The following CNTN1 variants were observed in gnomAD, a reference collection of about 807,000 sequenced individuals.
CNTN1 encodes contactin 1, also known as contactin-1.
A neutral mutation model predicts 126.4 loss-of-function variants in CNTN1; 38 were observed. The observed-to-expected ratio is 0.30, with a 90% CI of 0.23 to 0.39. The LOEUF is 0.39. CNTN1 is among the 10% of genes least tolerant of loss of function. The pLI, the probability that CNTN1 is intolerant of heterozygous loss-of-function variation, is 1.00. For missense variants in CNTN1, 1,009 were observed against 1,248.4 expected, an observed-to-expected ratio of 0.81 and a Z score of 2.89; for synonymous variants, 413 against 422.6, an observed-to-expected ratio of 0.98 and a Z score of 0.28.
Position 40,978,476 on chromosome 12 carries a change from C to T in CNTN1, c.1805-2433C>T, listed in dbSNP as rs192729984. On this transcript the variant is annotated intron_variant, in intron 15 of 23. Transcript: ENST00000551295. ...TTCAAGACAATTGGAAAAATGAAGA[C>T]TGTATTGTGGATGACAATTATGTTT... 2.0e-5 allele frequency among the ~76,000 whole-genome samples: 3 copies of T among 152,128 alleles called. No homozygotes were observed. In the East Asian group the frequency reaches 5.8e-4, roughly 29 times the overall value.
chr12:40,992,605 TTTA>T (rs1165805747), intron 16 of CNTN1, among the ~76,000 whole-genome samples: 1 of 152,120 alleles, frequency 6.6e-6, no homozygotes, highest in Non-Finnish European at 1.5e-5. Context: ...TATTATGACA[TTTA>T]TTATCACTTG....
At chr12:40,996,597 A>G (rs1206954672) in intron 17 of CNTN1, among the ~76,000 whole-genome samples, 2 of 152,230 alleles carry the variant, frequency 1.3e-5, no homozygotes, top group African/African-American at 2.4e-5. Context: ...TAATATGCTT[A>G]CAAGAAAATA....
chr12:41,027,670 C>T (rs533216911), intron 21 of CNTN1, among the ~76,000 whole-genome samples, 187 bp from the exon 22 acceptor site: 1 of 152,212 alleles, frequency 6.6e-6, no homozygotes, highest in Non-Finnish European at 1.5e-5. Flanking sequence ...CTCACAGGGC[C>T]ATGGGGTACA....
intron 1 of CNTN1, among the ~76,000 whole-genome samples, chr12:40,873,644 C>T (rs1943577955): frequency 6.6e-6 from 1 of 152,082 alleles, no homozygotes; most frequent in Admixed American, 6.6e-5. Flanking sequence ...TTTTTGCAGT[C>T]CATGATATTT....
At chr12:41,045,518 C>G (rs1052298306) in intron 23 of CNTN1, among the ~76,000 whole-genome samples, 1 of 152,086 alleles carries the variant, frequency 6.6e-6, no homozygotes. Flanking sequence ...ATAAATATTA[C>G]TGGAAGCCTT....
intron 14 of CNTN1, among the ~76,000 whole-genome samples, chr12:40,955,074 T>C (rs1391879966): frequency 6.6e-6 from 1 of 152,064 alleles, no homozygotes; most frequent in African/African-American, 2.4e-5. Context: ...TCTAAGACTC[T>C]ACAGGTGTAG....
chr12:40,724,911 G>T (rs1283607135), intron 1 of CNTN1, among the ~76,000 whole-genome samples: 1 of 152,174 alleles, frequency 6.6e-6, no homozygotes, highest in Non-Finnish European at 1.5e-5. Flanking sequence ...ATCATTGATG[G>T]AATTTTACCA....
At chr12:40,803,158 T>C (rs1940718161) in intron 1 of CNTN1, among the ~76,000 whole-genome samples, 1 of 151,990 alleles carries the variant, frequency 6.6e-6, no homozygotes, top group African/African-American at 2.4e-5. Context: ...AACCAATTGA[T>C]GTATCTATCA....
At chr12:40,799,783 G>A (rs1236024761) in intron 1 of CNTN1, among the ~76,000 whole-genome samples, 4 of 151,828 alleles carry the variant, frequency 2.6e-5, no homozygotes, top group Non-Finnish European at 2.9e-5. Context: ...CACTATGCTT[G>A]GTACGTTTTT....
At chr12:40,843,242 G>A (rs1168912822) in intron 1 of CNTN1, among the ~76,000 whole-genome samples, 4 of 151,996 alleles carry the variant, frequency 2.6e-5, no homozygotes, top group Admixed American at 1.3e-4. Flanking sequence ...GTTGTAAATG[G>A]CCAGTTCAGG....
intron 1 of CNTN1, among the ~76,000 whole-genome samples, chr12:40,865,916 G>C (rs367865169): frequency 6.6e-6 from 1 of 151,980 alleles, no homozygotes; most frequent in African/African-American, 2.4e-5. Context: ...TGGGAATATT[G>C]ACATGTAAAA....
chr12:40,830,962 T>C (rs12310400), intron 1 of CNTN1, among the ~76,000 whole-genome samples: 104,279 of 128,772 alleles, frequency 0.81, 42,196 homozygotes, highest in East Asian at 0.94. Context: ...TATATATATA[T>C]ACACACACAC....
chr12:40,718,746 T>C (rs1407674251), intron 1 of CNTN1, among the ~76,000 whole-genome samples: 1 of 152,136 alleles, frequency 6.6e-6, no homozygotes, highest in Admixed American at 6.5e-5. Context: ...GGTTACAAGT[T>C]TAGAGTCAAT....
intron 16 of CNTN1, among the ~76,000 whole-genome samples, chr12:40,983,914 T>TATAGCATATTTTATTATATGCTATG (rs1947885582): frequency 3.4e-5 from 2 of 59,414 alleles, no homozygotes; most frequent in African/African-American, 7.8e-5. Context: ...TATATGCTAT[T>TATAGCATATTTTATTATATGCTATG]ATAGCATATT....
chr12:40,927,304 C>A (rs1194659630), intron 6 of CNTN1, among the ~76,000 whole-genome samples: 1 of 152,042 alleles, frequency 6.6e-6, no homozygotes, highest in Non-Finnish European at 1.5e-5. Flanking sequence ...AGGAAAGACA[C>A]AAAGAAGATG....
chr12:40,891,965 A>G (rs1944254015), intron 1 of CNTN1, among the ~76,000 whole-genome samples: 1 of 152,144 alleles, frequency 6.6e-6, no homozygotes. Flanking sequence ...GAATCTGTAG[A>G]TCAAGCTGGG....
intron 23 of CNTN1, among the ~76,000 whole-genome samples, chr12:41,044,519 T>G (rs997127361): frequency 6.6e-6 from 1 of 152,112 alleles, no homozygotes; most frequent in African/African-American, 2.4e-5. Flanking sequence ...TTTTGTTTTG[T>G]TTTATATTTT....
intron 1 of CNTN1, among the ~76,000 whole-genome samples, chr12:40,702,757 A>G (rs1941635687): frequency 6.6e-6 from 1 of 152,200 alleles, no homozygotes; most frequent in African/African-American, 2.4e-5. Context: ...TATGCTATAT[A>G]CGGTGTTCTG....
At chr12:40,795,272 TATACACACACAC>T (rs1565746231) in intron 1 of CNTN1, among the ~76,000 whole-genome samples, 2 of 120,348 alleles carry the variant, frequency 1.7e-5, no homozygotes, top group South Asian at 6.4e-4. Flanking sequence ...TGTCTACATG[TATACACACACAC>T]ACACACACAC....
Sources: gnomAD v4.1 joint callset for allele counts (sites outside exome capture counted in the v4.1 genomes callset) on GRCh38, gnomAD v4.1.1 for gene constraint, MANE v1.5 for transcripts, NCBI Gene and HGNC (gene_info 2026-07-23, HGNC 2026-07-21) for gene names.